Variants in TOX3 observed in about 807,000 individuals in gnomAD.
TOX3 encodes the protein CAG trinucleotide repeat-containing gene F9 protein.
Under a neutral mutation model 64.3 loss-of-function variants are expected in TOX3, and 22 were observed. The observed-to-expected ratio is 0.34, with a 90% CI of 0.24 to 0.49. The LOEUF is 0.49. TOX3 is among the 20% of genes least tolerant of loss of function. TOX3 has a pLI of 0.99. For missense variants in TOX3, 661 were observed against 714.4 expected, an observed-to-expected ratio of 0.93 and a Z score of 0.85; for synonymous variants, 291 against 273.6, an observed-to-expected ratio of 1.06 and a Z score of -0.63.
chr16:52,464,527 G>T (rs375985081), intron 2 of TOX3, among the ~76,000 whole-genome samples: 1 of 152,222 alleles, frequency 6.6e-6, no homozygotes, highest in East Asian at 1.9e-4. Flanking sequence ...AGCTCAAACC[G>T]CTGACACTAT....
At chr16:52,527,751 C>G (rs1962755899) in intron 1 of TOX3, among the ~76,000 whole-genome samples, 1 of 152,136 alleles carries the variant, frequency 6.6e-6, no homozygotes, top group Non-Finnish European at 1.5e-5. Flanking sequence ...AATAACTGCC[C>G]TATATTTAGA....
chr16:52,492,111 A>G (rs1467630084), intron 1 of TOX3, among the ~76,000 whole-genome samples: 1 of 151,864 alleles, frequency 6.6e-6, no homozygotes, highest in Admixed American at 6.6e-5. Flanking sequence ...ATTTCTCAAA[A>G]TGGGTCTGTA....
chr16:52,501,167 G>A (rs1961989907), intron 1 of TOX3, among the ~76,000 whole-genome samples: 1 of 152,146 alleles, frequency 6.6e-6, no homozygotes, highest in Non-Finnish European at 1.5e-5. Context: ...ACAGGACTTT[G>A]GCCAAGCCTA....
chr16:52,496,274 A>T (rs1424241363), intron 1 of TOX3, among the ~76,000 whole-genome samples: 1 of 152,218 alleles, frequency 6.6e-6, no homozygotes, highest in Non-Finnish European at 1.5e-5. Context: ...CAGATAAGAT[A>T]CTGCATTATA....
At chr16:52,521,551 T>G (rs1962609550) in intron 1 of TOX3, among the ~76,000 whole-genome samples, 1 of 152,240 alleles carries the variant, frequency 6.6e-6, no homozygotes, top group African/African-American at 2.4e-5. Context: ...GTTTTGCCTT[T>G]GTGCATGGCC....
At chr16:52,477,005 A>C (rs1298717811) in intron 1 of TOX3, among the ~76,000 whole-genome samples, 2 of 152,184 alleles carry the variant, frequency 1.3e-5, no homozygotes, top group Non-Finnish European at 2.9e-5. Context: ...TTCAGGGAGT[A>C]GATGTACATG....
Position 52,517,855 on chromosome 16 carries a change from C to T in TOX3, c.87+28782G>A, listed in dbSNP as rs45624836. On this transcript the variant is annotated intron_variant, in intron 1 of 6. Transcript: ENST00000219746. Reference sequence around the variant, plus strand: ...GTCCATCTCTGATCTCTCTCCCAAACCTCTGACCGAAAGAGACACAGATTT... The same window carrying T: ...GTCCATCTCTGATCTCTCTCCCAAATCTCTGACCGAAAGAGACACAGATTT... 8.2e-3 allele frequency among the ~76,000 whole-genome samples: 1,244 copies of T among 152,248 alleles called. 7 individuals are homozygous for T. Among genetic ancestry groups the T allele is most frequent in the Non-Finnish European group, 9.8e-3 (664 of 68,016 alleles).
intron 1 of TOX3, among the ~76,000 whole-genome samples, chr16:52,526,989 G>A (rs996535114): frequency 4.6e-5 from 7 of 152,224 alleles, no homozygotes; most frequent in African/African-American, 1.4e-4. Flanking sequence ...TAAACACATA[G>A]CAGCGAACAA....
In TOX3 at chr16:52,501,526, C is replaced by T. The variant is rs533604685; in HGVS notation, c.88-32952G>A. ...GTCTACTAAAAATACAAAAATTAGCCGGGCATGGTGGTGATCCCAGCTACT... is the reference window on the plus strand; with the variant it reads ...GTCTACTAAAAATACAAAAATTAGCTGGGCATGGTGGTGATCCCAGCTACT... On this transcript the variant is annotated intron_variant, in intron 1 of 6. Transcript: ENST00000219746. Among the ~76,000 whole-genome samples the T allele has an allele frequency of 8.6e-5, 13 of 151,962 alleles. No homozygotes were observed. In the East Asian group the frequency reaches 1.6e-3, roughly 18 times the overall value.
intron 1 of TOX3, among the ~76,000 whole-genome samples, chr16:52,513,619 T>A (rs1352205161): frequency 6.6e-6 from 1 of 152,220 alleles, no homozygotes; most frequent in Non-Finnish European, 1.5e-5. Flanking sequence ...GTGACCTGAT[T>A]TTTCTGTGTT....
intron 1 of TOX3, among the ~76,000 whole-genome samples, chr16:52,478,446 G>A (rs1961280007): frequency 6.6e-6 from 1 of 152,158 alleles, no homozygotes; most frequent in Non-Finnish European, 1.5e-5. Flanking sequence ...GGACCTCCAT[G>A]TGCCCTCCTT....
chr16:52,511,658 AT>A (rs1962315071), intron 1 of TOX3, among the ~76,000 whole-genome samples: 1 of 152,216 alleles, frequency 6.6e-6, no homozygotes, highest in South Asian at 2.1e-4. Context: ...AAGAATCAGC[AT>A]TTTTCTTTTT....
intron 1 of TOX3, among the ~76,000 whole-genome samples, chr16:52,480,732 C>A (rs908525883): frequency 4.6e-5 from 7 of 152,194 alleles, no homozygotes; most frequent in African/African-American, 7.2e-5. Context: ...CCTATACTAT[C>A]TTCCATTCTT....
chr16:52,437,077 A>G lies in TOX3; in HGVS notation c.*2148T>C, dbSNP rs924506843. The stretch of plus-strand genomic sequence containing the variant: ...GCACATCATTTCTTTGTGGAATACA[A>G]TCACTCCCTTGTAGATGTAATTAGG... On this transcript the variant is annotated 3_prime_UTR_variant, in exon 7 of 7. Coordinates refer to ENST00000219746, the MANE Select transcript of TOX3 (RefSeq NM_001080430.4). The G allele has an allele frequency of 6.6e-6, 1 of 152,232 alleles. No individual in the cohort carries two copies. The highest frequency in any genetic ancestry group is 1.5e-5 in the Non-Finnish European group (1 of 68,046). The allele number at this position is 152,232 out of a possible 1,614,324, so 9.4% of individuals were successfully genotyped here. A position where few individuals can be genotyped will look rare whatever the true frequency, so the allele number is the denominator to read the frequency against.
intron 6 of TOX3, among the ~76,000 whole-genome samples, chr16:52,442,844 C>G (rs930927900): frequency 6.6e-6 from 1 of 152,108 alleles, no homozygotes; most frequent in African/African-American, 2.4e-5. Context: ...TAAATTCTAT[C>G]CTATTGATTT....
At chr16:52,518,781 C>T (rs1434931637) in intron 1 of TOX3, among the ~76,000 whole-genome samples, 1 of 152,196 alleles carries the variant, frequency 6.6e-6, no homozygotes, top group Non-Finnish European at 1.5e-5. Context: ...AGAACAACCA[C>T]TTTGCTGGAT....
In TOX3 at chr16:52,480,715, A is replaced by G. The variant is rs11642868; in HGVS notation, c.88-12141T>C. ...TAGTGTGAATTCCACCAAAACATCA[A>G]TGACTTCCTATACTATCTTCCATTC... On this transcript the variant is annotated intron_variant, in intron 1 of 6. Coordinates refer to ENST00000219746, the MANE Select transcript of TOX3 (RefSeq NM_001080430.4). Among the ~76,000 whole-genome samples the G allele has an allele frequency of 0.018, 2,769 of 152,320 alleles. 121 individuals carry two copies. In the East Asian group the frequency reaches 0.19, roughly 10 times the overall value.
chr16:52,536,283 G>A lies in TOX3; in HGVS notation c.87+10354C>T, dbSNP rs968635457. 2.0e-5 allele frequency among the ~76,000 whole-genome samples: 3 copies of A among 151,896 alleles called. No homozygotes were observed. The South Asian group carries it at 6.2e-4, about 32-fold the overall frequency. ...TAGAGAGATATTAATTAGAGAGATG[G>A]GGAAAAGGATATTTTAGAAATTGAG... On this transcript the variant is annotated intron_variant, in intron 1 of 6. Transcript: ENST00000219746.
intron 1 of TOX3, among the ~76,000 whole-genome samples, chr16:52,533,798 G>A (rs911434701): frequency 1.3e-5 from 2 of 152,206 alleles, no homozygotes; most frequent in African/African-American, 2.4e-5. Flanking sequence ...TATAGTGGAA[G>A]TCAGAAGACA....
Sources: gnomAD v4.1 joint callset for allele counts (sites outside exome capture counted in the v4.1 genomes callset) on GRCh38, gnomAD v4.1.1 for gene constraint, MANE v1.5 for transcripts, NCBI Gene and HGNC (gene_info 2026-07-23, HGNC 2026-07-21) for gene names.